The following NRG3 variants were observed in gnomAD, a reference collection of about 807,000 sequenced individuals.
The protein encoded by NRG3 is pro-neuregulin-3, membrane-bound isoform.
In NRG3, 31 loss-of-function variants were observed where a neutral mutation model predicts 66.9. The ratio of observed to expected loss-of-function variants is 0.46; its 90% confidence interval spans 0.35 to 0.63. NRG3 has a LOEUF of 0.63. Among genes scored for constraint, NRG3 ranks in the 20% least tolerant of loss-of-function variants. The probability of loss-of-function intolerance (pLI) is 0.00; values close to 1 mark genes in which losing one functional copy is unlikely to be tolerated. For synonymous variants in NRG3, 393 were observed against 359.4 expected, an observed-to-expected ratio of 1.09 and a Z score of -1.06; for missense variants, 910 against 878.9, an observed-to-expected ratio of 1.04 and a Z score of -0.45.
intron 1 of NRG3, among the ~76,000 whole-genome samples, chr10:82,199,873 CATGTGTGTGTGTGTGCGTGT>C (rs1475408467): frequency 6.4e-5 from 7 of 109,458 alleles, no homozygotes; most frequent in Admixed American, 1.8e-4. Flanking sequence ...TGAGAGTGTG[CATGTGTGTGTGTGTGCGTGT>C]GTGTGTGTGT....
intron 2 of NRG3, among the ~76,000 whole-genome samples, chr10:82,717,390 C>CTTTTTT (rs59189864): frequency 1.2e-5 from 1 of 83,580 alleles, no homozygotes; most frequent in African/African-American, 4.5e-5. Context: ...ATTGGAAAAG[C>CTTTTTT]TTTTTTTTTT....
chr10:82,341,468 T>G (rs2082684852), intron 1 of NRG3, among the ~76,000 whole-genome samples: 2 of 152,144 alleles, frequency 1.3e-5, no homozygotes, highest in Admixed American at 1.3e-4. Context: ...ATATTTATAT[T>G]GGATTAATAG....
chr10:82,634,516 C>G (rs1283669300), intron 2 of NRG3, among the ~76,000 whole-genome samples: 1 of 152,016 alleles, frequency 6.6e-6, no homozygotes, highest in Admixed American at 6.6e-5. Context: ...TTTAAAAACT[C>G]AAATTAAATA....
At chr10:82,805,957 G>A (rs541823642) in intron 3 of NRG3, among the ~76,000 whole-genome samples, 11 of 152,186 alleles carry the variant, frequency 7.2e-5, no homozygotes, top group African/African-American at 1.2e-4. Context: ...AAATTTTTCT[G>A]TCAAAGGTTT....
intron 4 of NRG3, among the ~76,000 whole-genome samples, chr10:82,900,529 G>A (rs1844116216): frequency 6.6e-6 from 1 of 152,024 alleles, no homozygotes; most frequent in Non-Finnish European, 1.5e-5. Context: ...ATAGGTATAG[G>A]AAGAAATAAA....
intron 1 of NRG3, among the ~76,000 whole-genome samples, chr10:82,094,474 A>G (rs1445910482): frequency 2.0e-5 from 3 of 152,236 alleles, no homozygotes; most frequent in Non-Finnish European, 4.4e-5. Flanking sequence ...CTTTTGATCT[A>G]GCAGTTCCCC....
intron 2 of NRG3, among the ~76,000 whole-genome samples, chr10:82,630,039 C>T (rs2133710937): frequency 6.6e-6 from 1 of 152,276 alleles, no homozygotes; most frequent in South Asian, 2.1e-4. Context: ...GATTCACCTT[C>T]TTCCCCAGCA....
intron 1 of NRG3, among the ~76,000 whole-genome samples, chr10:81,897,241 A>T (rs774491194): frequency 6.6e-6 from 1 of 152,192 alleles, no homozygotes; most frequent in East Asian, 1.9e-4. Flanking sequence ...GGTCAGGCAC[A>T]TAAGGAACTT....
intron 1 of NRG3, among the ~76,000 whole-genome samples, chr10:82,302,365 C>T (rs541090280): frequency 2.6e-5 from 4 of 152,148 alleles, no homozygotes; most frequent in Admixed American, 6.5e-5. Flanking sequence ...AGTAATCATA[C>T]GTGTTTGTTG....
chr10:82,485,578 G>T (rs1326573686), intron 2 of NRG3, among the ~76,000 whole-genome samples: 3 of 151,268 alleles, frequency 2.0e-5, no homozygotes, highest in Non-Finnish European at 4.4e-5. Flanking sequence ...TCTCATATGA[G>T]ATATTTTGCA....
At chr10:81,881,664 G>A (rs1172863017) in intron 1 of NRG3, among the ~76,000 whole-genome samples, 3 of 152,186 alleles carry the variant, frequency 2.0e-5, no homozygotes, top group African/African-American at 7.2e-5. Context: ...CCGAAAGTTT[G>A]TAAAAGTAAT....
At chr10:82,700,246 A>G (rs1331996917) in intron 2 of NRG3, among the ~76,000 whole-genome samples, 1 of 152,184 alleles carries the variant, frequency 6.6e-6, no homozygotes, top group East Asian at 1.9e-4. Context: ...CCGCCCGAGA[A>G]AACCAGCTTG....
At chr10:82,793,514 T>C (rs2060674331) in intron 3 of NRG3, among the ~76,000 whole-genome samples, 1 of 152,154 alleles carries the variant, frequency 6.6e-6, no homozygotes, top group Non-Finnish European at 1.5e-5. Flanking sequence ...GTGACATCTC[T>C]CTACCCCCTT....
intron 1 of NRG3, among the ~76,000 whole-genome samples, chr10:81,991,304 T>A (rs1465394350): frequency 6.6e-6 from 1 of 152,196 alleles, no homozygotes; most frequent in Non-Finnish European, 1.5e-5. Context: ...ATCTCAAAAA[T>A]CATAGGATTT....
chr10:82,524,729 T>A (rs987992592), intron 2 of NRG3, among the ~76,000 whole-genome samples: 1 of 151,872 alleles, frequency 6.6e-6, no homozygotes, highest in African/African-American at 2.4e-5. Flanking sequence ...ATATAGAACA[T>A]TTCATTTCAA....
chr10:82,741,664 T>C (rs1438122446), intron 3 of NRG3, among the ~76,000 whole-genome samples: 1 of 152,148 alleles, frequency 6.6e-6, no homozygotes, highest in Non-Finnish European at 1.5e-5. Context: ...AAATTAGACC[T>C]CAGGGAAGCT....
chr10:82,275,117 G>A (rs1343955189), intron 1 of NRG3, among the ~76,000 whole-genome samples: 1 of 151,984 alleles, frequency 6.6e-6, no homozygotes, highest in African/African-American at 2.4e-5. Flanking sequence ...ATACAGCTTT[G>A]AATCCAATAA....
chr10:82,269,402 G>T (rs143281957), intron 1 of NRG3, among the ~76,000 whole-genome samples: 183 of 152,176 alleles, frequency 1.2e-3, no homozygotes, highest in African/African-American at 4.1e-3. Flanking sequence ...TCTTTGGAGA[G>T]TTTCTCTTCT....
Position 82,242,871 on chromosome 10 carries a change from T to G in NRG3, c.824-115868T>G, listed in dbSNP as rs117892781. Among the ~76,000 whole-genome samples, 303 of 152,332 alleles carry G rather than the reference T, an allele frequency of 2.0e-3. 6 individuals are homozygous for G. The East Asian group carries it at 0.038, about 19-fold the overall frequency. On this transcript the variant is annotated intron_variant, in intron 1 of 8. Coordinates refer to ENST00000372141, the MANE Select transcript of NRG3 (RefSeq NM_001010848.4). ...CTGGAAAGGGAATTCTACTGGCAAA[T>G]GCACAGTCTGTTTCTCACTGATACA...
Sources: allele counts gnomAD v4.1 joint callset (sites outside exome capture counted in the v4.1 genomes callset), GRCh38; gene constraint gnomAD v4.1.1; transcripts MANE v1.5; gene names NCBI Gene and HGNC (gene_info 2026-07-23, HGNC 2026-07-21).